Variants in PSKH1 observed in about 807,000 individuals in gnomAD.
PSKH1 encodes serine/threonine-protein kinase H1.
In PSKH1, 12 loss-of-function variants were observed where a neutral mutation model predicts 26.7. That is an observed-to-expected ratio of 0.45 (90% confidence interval 0.29 to 0.73). The LOEUF (loss-of-function observed/expected upper bound fraction) is 0.73. Among genes scored for constraint, PSKH1 ranks in the 30% least tolerant of loss-of-function variants. The pLI, the probability that PSKH1 is intolerant of heterozygous loss-of-function variation, is 0.11. For synonymous variants in PSKH1, 213 were observed against 234.3 expected (o/e 0.91, Z 0.83); for missense variants, 431 against 595.2 (o/e 0.72, Z 2.87).
rs2151312545 is a variant in PSKH1 at position 67,909,851 on chromosome 16, T to C, written c.957+145T>C. Reference sequence around the variant, plus strand: ...ATATAAAAGGGACAAAGTGAGACTATCAGAATGTAGTTTGGGTTCCCTCAA... The same window carrying C: ...ATATAAAAGGGACAAAGTGAGACTACCAGAATGTAGTTTGGGTTCCCTCAA... On this transcript the variant is annotated intron_variant, in intron 2 of 2. Transcript: ENST00000291041. The surrounding 1 kb of genome is among the most constrained non-coding windows in gnomAD (Gnocchi z 7.8). 1 of 750,242 alleles carries C rather than the reference T, an allele frequency of 1.3e-6. No homozygotes were observed. The highest frequency in any genetic ancestry group is 1.8e-5 in the South Asian group (1 of 56,358). 46.5% of individuals were successfully genotyped at this position (750,242 alleles called of 1,614,324 possible).
intron 2 of PSKH1, among the ~76,000 whole-genome samples, chr16:67,917,526 A>G (rs2058190969): frequency 6.6e-6 from 1 of 152,230 alleles, no homozygotes; most frequent in South Asian, 2.1e-4. Flanking sequence ...TGCAGTATTT[A>G]TAAGTGATAA....
chr16:67,903,469 C>T (rs2058147174), intron 1 of PSKH1, among the ~76,000 whole-genome samples: 2 of 151,800 alleles, frequency 1.3e-5, no homozygotes, highest in Non-Finnish European at 1.5e-5. Flanking sequence ...CTCATTTTTT[C>T]CTCTCTCTCT....
intron 2 of PSKH1, among the ~76,000 whole-genome samples, chr16:67,913,425 G>A (rs1159900790): frequency 1.3e-5 from 2 of 152,084 alleles, no homozygotes; most frequent in Non-Finnish European, 2.9e-5. Flanking sequence ...TGGGGTTACA[G>A]ATGTGAGCCA....
chr16:67,925,834 G>C (rs1022729243), intron 2 of PSKH1, among the ~76,000 whole-genome samples: 5 of 152,198 alleles, frequency 3.3e-5, no homozygotes, highest in African/African-American at 1.2e-4. Flanking sequence ...CCTCAGGACG[G>C]TGGAAGCGTG....
chr16:67,898,785 A>C (rs766869000), intron 1 of PSKH1, among the ~76,000 whole-genome samples: 4 of 151,424 alleles, frequency 2.6e-5, no homozygotes, highest in Non-Finnish European at 5.9e-5. Context: ...ACCACACCCA[A>C]CTAATTTTTG....
chr16:67,914,366 T>C (rs1000487358), intron 2 of PSKH1, among the ~76,000 whole-genome samples: 2 of 152,048 alleles, frequency 1.3e-5, no homozygotes, highest in African/African-American at 4.8e-5. Context: ...TTGGTCAGGC[T>C]GGTCTCGAAC....
intron 2 of PSKH1, among the ~76,000 whole-genome samples, chr16:67,911,702 C>T (rs2058173895): frequency 6.6e-6 from 1 of 152,158 alleles, no homozygotes; most frequent in South Asian, 2.1e-4. Flanking sequence ...AAAAGAGTCA[C>T]CCAACAGCCT....
intron 1 of PSKH1, among the ~76,000 whole-genome samples, chr16:67,904,501 G>A (rs1386038353): frequency 3.3e-5 from 5 of 152,034 alleles, no homozygotes; most frequent in South Asian, 2.1e-4. Context: ...ACCGCGCCCC[G>A]CCTAATTTTT....
At position 67,928,809 on chromosome 16, in the gene PSKH1, C is replaced by G. The variant is rs2058228060; in HGVS notation, c.*1167C>G. The G allele has an allele frequency of 6.6e-6, 1 of 152,420 alleles. No individual in the cohort carries two copies. Among genetic ancestry groups the G allele is most frequent in the Admixed American group, 6.5e-5 (1 of 15,292 alleles). The allele number at this position is 152,420 out of a possible 1,614,324, so 9.4% of individuals were successfully genotyped here. A position where few individuals can be genotyped will look rare whatever the true frequency, so the allele number is the denominator to read the frequency against. ...AGGAGTTGCCGCCCTGGGGGAGGGT[C>G]CCGGGCTGCTCACCTCTCCCCTTCT... On this transcript the variant is annotated 3_prime_UTR_variant, in exon 3 of 3. Coordinates refer to ENST00000291041, the MANE Select transcript of PSKH1 (RefSeq NM_006742.3). The surrounding 1 kb of genome is among the most constrained non-coding windows in gnomAD (Gnocchi z 4.8).
chr16:67,900,258 G>A (rs888807695), intron 1 of PSKH1, among the ~76,000 whole-genome samples: 1 of 152,090 alleles, frequency 6.6e-6, no homozygotes, highest in Non-Finnish European at 1.5e-5. Context: ...CACTGCGCCC[G>A]GCCAGACCAC....
rs1022063287 is a variant in PSKH1, at chr16:67,909,677, C to A, written c.928C>A (p.Leu310Ile). 10 of 1,612,780 alleles carry A rather than the reference C, an allele frequency of 6.2e-6. No homozygotes were observed. Among genetic ancestry groups the A allele is most frequent in the Non-Finnish European group, 8.5e-6 (10 of 1,179,954 alleles). The change falls in exon 2 of 3, where the codon CTC (leucine) becomes ATC (isoleucine). Residue 310 changes from leucine (L) to isoleucine (I), a missense_variant. By Grantham distance (5) the Leu-to-Ile change is conservative. Coordinates refer to ENST00000291041, the MANE Select transcript of PSKH1 (RefSeq NM_006742.3). The surrounding 1 kb of genome is among the most constrained non-coding windows in gnomAD (Gnocchi z 7.8). ...DNRTRLYRQI[L>I]RGKYSYSGEP... Reference sequence around the variant, plus strand: ...CCGTACCCGGCTGTACCGGCAGATCCTCAGGGGCAAGTACAGTTACTCTGG... The same window carrying A: ...CCGTACCCGGCTGTACCGGCAGATCATCAGGGGCAAGTACAGTTACTCTGG...
intron 1 of PSKH1, among the ~76,000 whole-genome samples, chr16:67,898,673 G>T (rs2058133448): frequency 6.7e-6 from 1 of 150,330 alleles, no homozygotes; most frequent in Non-Finnish European, 1.5e-5. Flanking sequence ...GCCCAGGCTG[G>T]AGTGCAGTGG....
At position 67,909,525 on chromosome 16, in the gene PSKH1, G is replaced by A; in HGVS notation, c.776G>A (p.Gly259Asp). Reference protein sequence around the residue: ...GDDCLMKTTCGTPEYIAPEVL... With the variant: ...GDDCLMKTTCDTPEYIAPEVL... The stretch of plus-strand genomic sequence containing the variant: ...GACTGCTTGATGAAGACCACCTGTG[G>A]CACGCCTGAGTACATTGCCCCAGAA... Residue 259 changes from glycine to aspartate, a missense_variant, in exon 2 of 3, where the codon GGC (glycine) becomes GAC (aspartate). Gly to Asp is a moderately conservative substitution (Grantham distance 94). Coordinates refer to ENST00000291041, the MANE Select transcript of PSKH1 (RefSeq NM_006742.3). The surrounding 1 kb of genome is among the most constrained non-coding windows in gnomAD (Gnocchi z 7.8). 1 of 1,613,744 alleles carries A rather than the reference G, an allele frequency of 6.2e-7. No homozygotes were observed. Among genetic ancestry groups the A allele is most frequent in the Non-Finnish European group, 8.5e-7 (1 of 1,180,034 alleles).
intron 1 of PSKH1, among the ~76,000 whole-genome samples, chr16:67,899,046 G>C (rs1250402243): frequency 6.6e-6 from 1 of 152,206 alleles, no homozygotes; most frequent in African/African-American, 2.4e-5. Flanking sequence ...CACAGACCCT[G>C]CCTCTATGGA....
intron 1 of PSKH1, among the ~76,000 whole-genome samples, chr16:67,897,322 G>A (rs999904644): frequency 2.6e-5 from 4 of 152,212 alleles, no homozygotes; most frequent in Admixed American, 2.6e-4. Context: ...TACTCAAGGA[G>A]CATTAAGCCG....
At chr16:67,917,485 T>C (rs2058190896) in intron 2 of PSKH1, among the ~76,000 whole-genome samples, 2 of 152,258 alleles carry the variant, frequency 1.3e-5, no homozygotes, top group South Asian at 4.1e-4. Flanking sequence ...CCAGGCTTAG[T>C]GCACAGTGGT....
rs565840228 is a variant in PSKH1, at chr16:67,903,835, A to G, written c.-70-4845A>G. Among the ~76,000 whole-genome samples the G allele has an allele frequency of 1.8e-3, 252 of 137,412 alleles. 2 individuals carry two copies. Among genetic ancestry groups the G allele is most frequent in the African/African-American group, 6.2e-3 (224 of 36,324 alleles). 90.1% of individuals were successfully genotyped at this position (137,412 alleles called of 152,430 possible). A position where few individuals can be genotyped will look rare whatever the true frequency, so the allele number is the denominator to read the frequency against. ...ATTCCACTCCACTGCTTGGGGCACT[A>G]CACTCTTTTTTTTTTTTTTTTTTTT... is the stretch of plus-strand genomic sequence containing the variant. On this transcript the variant is annotated intron_variant, in intron 1 of 2. Coordinates refer to ENST00000291041, the MANE Select transcript of PSKH1 (RefSeq NM_006742.3).
intron 1 of PSKH1, among the ~76,000 whole-genome samples, chr16:67,900,313 G>A (rs1053549171): frequency 1.4e-4 from 22 of 152,140 alleles, no homozygotes; most frequent in Admixed American, 9.8e-4. Flanking sequence ...TACCAAGGGA[G>A]TTCTGGAAAC....
intron 1 of PSKH1, among the ~76,000 whole-genome samples, chr16:67,895,016 C>G (rs1346281494): frequency 3.9e-5 from 6 of 151,940 alleles, no homozygotes; most frequent in African/African-American, 1.2e-4. Context: ...CTCTACCCCC[C>G]AGGTTCAAGT....
Sources: allele counts gnomAD v4.1 joint callset (sites outside exome capture counted in the v4.1 genomes callset), GRCh38; gene constraint gnomAD v4.1.1; non-coding constraint Gnocchi (gnomAD v3.1); transcripts MANE v1.5; gene names NCBI Gene and HGNC (gene_info 2026-07-23, HGNC 2026-07-21).